CLSTN2: variants seen among roughly 807,000 people sequenced by gnomAD.
CLSTN2 encodes calsyntenin 2.
Under a neutral mutation model 101.2 loss-of-function variants are expected in CLSTN2, and 48 were observed. That is an observed-to-expected ratio of 0.47 (90% CI 0.38 to 0.60). The LOEUF is 0.60. Ranked by LOEUF, CLSTN2 falls within the 20% of genes least tolerant of loss-of-function variation. The pLI, the probability that CLSTN2 is intolerant of heterozygous loss-of-function variation, is 0.00. For missense variants in CLSTN2, 1,160 were observed against 1,238.2 expected, an observed-to-expected ratio of 0.94 and a Z score of 0.95; for synonymous variants, 481 against 463.6, an observed-to-expected ratio of 1.04 and a Z score of -0.48.
At chr3:140,225,875 A>G (rs978606828) in intron 2 of CLSTN2, among the ~76,000 whole-genome samples, 15 of 152,132 alleles carry the variant, frequency 9.9e-5, no homozygotes, top group African/African-American at 3.6e-4. Context: ...GTTTTTGGCC[A>G]ATAATGACCA....
intron 2 of CLSTN2, among the ~76,000 whole-genome samples, chr3:140,378,149 T>G (rs1485179178): frequency 1.3e-5 from 2 of 152,230 alleles, no homozygotes; most frequent in Non-Finnish European, 2.9e-5. Flanking sequence ...CCTAGGTTTG[T>G]GTAAAAGTCC....
intron 8 of CLSTN2, among the ~76,000 whole-genome samples, chr3:140,483,836 T>G (rs1423113451): frequency 6.6e-6 from 1 of 152,188 alleles, no homozygotes; most frequent in Non-Finnish European, 1.5e-5. Context: ...CTCCATCCCT[T>G]TATTTTGAGC....
chr3:140,057,851 AG>A (rs2008124772), intron 1 of CLSTN2, among the ~76,000 whole-genome samples: 1 of 152,204 alleles, frequency 6.6e-6, no homozygotes, highest in Non-Finnish European at 1.5e-5. Context: ...CCTATAAACT[AG>A]GTTAACATTA....
intron 2 of CLSTN2, among the ~76,000 whole-genome samples, chr3:140,288,742 T>C (rs1450894606): frequency 6.6e-6 from 1 of 152,178 alleles, no homozygotes; most frequent in Non-Finnish European, 1.5e-5. Context: ...CCATTAACAA[T>C]TTCTGAGGGA....
chr3:140,439,307 G>A (rs930370968), intron 5 of CLSTN2, among the ~76,000 whole-genome samples: 2 of 152,364 alleles, frequency 1.3e-5, no homozygotes, highest in Admixed American at 1.3e-4. Context: ...AGGGAGGAGG[G>A]CCTGACATAA....
chr3:140,436,833 C>T (rs1459172729), intron 5 of CLSTN2, among the ~76,000 whole-genome samples: 1 of 152,184 alleles, frequency 6.6e-6, no homozygotes, highest in African/African-American at 2.4e-5. Flanking sequence ...CTTTCAGCCA[C>T]AGTTTAAGAC....
chr3:140,152,212 C>A (rs956140236), intron 1 of CLSTN2, among the ~76,000 whole-genome samples: 3 of 152,096 alleles, frequency 2.0e-5, no homozygotes, highest in African/African-American at 4.8e-5. Context: ...TCCTTGGGAG[C>A]TTTTCCAGGC....
chr3:140,107,047 G>A (rs186441331), intron 1 of CLSTN2, among the ~76,000 whole-genome samples: 1 of 152,226 alleles, frequency 6.6e-6, no homozygotes, highest in Admixed American at 6.5e-5. Flanking sequence ...GATTTTAAGA[G>A]GACTAACAAT....
At chr3:140,197,343 G>A (rs1318840945) in intron 2 of CLSTN2, among the ~76,000 whole-genome samples, 2 of 152,124 alleles carry the variant, frequency 1.3e-5, no homozygotes, top group Non-Finnish European at 2.9e-5. Flanking sequence ...TATGTGCCTG[G>A]TGCTGTACTG....
intron 1 of CLSTN2, among the ~76,000 whole-genome samples, chr3:140,108,882 A>G (rs574781631): frequency 6.6e-6 from 1 of 152,326 alleles, no homozygotes; most frequent in South Asian, 2.1e-4. Context: ...TACTCCTGCT[A>G]GGTACCCGGC....
At chr3:140,076,779 G>A (rs1397015214) in intron 1 of CLSTN2, among the ~76,000 whole-genome samples, 1 of 151,990 alleles carries the variant, frequency 6.6e-6, no homozygotes, top group African/African-American at 2.4e-5. Context: ...CCTGTGCAGT[G>A]TGAATTATTC....
At chr3:140,193,463 G>A (rs565990871) in intron 2 of CLSTN2, among the ~76,000 whole-genome samples, 76 of 151,592 alleles carry the variant, frequency 5.0e-4, no homozygotes, top group Non-Finnish European at 8.7e-4. Flanking sequence ...AAAATGTTGT[G>A]CCCTTCCTTC....
chr3:140,175,248 T>G (rs2010305565), intron 1 of CLSTN2, among the ~76,000 whole-genome samples: 1 of 152,208 alleles, frequency 6.6e-6, no homozygotes. Context: ...ATAAAATATA[T>G]TTGATATGTG....
intron 5 of CLSTN2, 72 bp from the exon 6 acceptor site, chr3:140,448,447 A>G: frequency 7.6e-7 from 1 of 1,309,468 alleles, no homozygotes; most frequent in Non-Finnish European, 1.1e-6. Context: ...ACAAATTCAC[A>G]TTTCTAAAAG....
At chr3:140,192,109 G>T (rs2010573445) in intron 2 of CLSTN2, among the ~76,000 whole-genome samples, 2 of 151,910 alleles carry the variant, frequency 1.3e-5, no homozygotes, top group South Asian at 2.1e-4. Context: ...GTGTTGCAAA[G>T]TTGCTAAATG....
At chr3:140,094,214 T>G (rs536417689) in intron 1 of CLSTN2, among the ~76,000 whole-genome samples, 1 of 152,294 alleles carries the variant, frequency 6.6e-6, no homozygotes, top group South Asian at 2.1e-4. Flanking sequence ...AAAAACATCT[T>G]TTTTCTAATC....
chr3:140,153,503 A>G (rs2009901890), intron 1 of CLSTN2, among the ~76,000 whole-genome samples: 1 of 152,220 alleles, frequency 6.6e-6, no homozygotes, highest in East Asian at 1.9e-4. Flanking sequence ...GCAGCCAGTG[A>G]TGCTGAAAGA....
At chr3:140,267,862 A>C (rs2086709055) in intron 2 of CLSTN2, among the ~76,000 whole-genome samples, 2 of 152,180 alleles carry the variant, frequency 1.3e-5, no homozygotes, top group Non-Finnish European at 2.9e-5. Flanking sequence ...AACTGTGAGC[A>C]GAAAAGCCTG....
chr3:140,071,562 T>C (rs970077498), intron 1 of CLSTN2, among the ~76,000 whole-genome samples: 3 of 152,244 alleles, frequency 2.0e-5, no homozygotes, highest in Non-Finnish European at 4.4e-5. Flanking sequence ...CCGGGCGCAG[T>C]GGCTCACGCC....
Sources: allele counts gnomAD v4.1 joint callset (sites outside exome capture counted in the v4.1 genomes callset), GRCh38; gene constraint gnomAD v4.1.1; transcripts MANE v1.5; gene names NCBI Gene and HGNC (gene_info 2026-07-23, HGNC 2026-07-21).